The following CCDC7 variants were observed in gnomAD, a reference collection of about 807,000 sequenced individuals.
CCDC7 encodes coiled-coil domain-containing protein 7.
In CCDC7, 183 loss-of-function variants were observed where a neutral mutation model predicts 196.9. The observed-to-expected ratio is 0.93, with a 90% CI of 0.82 to 1.05. The LOEUF (loss-of-function observed/expected upper bound fraction) is 1.05. Ranked by LOEUF, CCDC7 falls within the 50% of genes least tolerant of loss-of-function variation. CCDC7 has a pLI of 0.00. For missense variants in CCDC7, 1,540 were observed against 1,482.2 expected (o/e 1.04, Z -0.64); for synonymous variants, 525 against 484.6 (o/e 1.08, Z -1.10).
chr10:32,634,278 A>G, exon 19 of CCDC7: 1 of 1,216,076 alleles, frequency 8.2e-7, no homozygotes, highest in Non-Finnish European at 1.0e-6. Flanking sequence ...CCAGATGAAA[A>G]TCTTATGGTT....
intron 18 of CCDC7, among the ~76,000 whole-genome samples, chr10:32,602,315 T>C (rs2061134556): frequency 6.6e-6 from 1 of 150,980 alleles, no homozygotes; most frequent in African/African-American, 2.4e-5. Flanking sequence ...GAACAAATTC[T>C]GGACACACCA....
intron 41 of CCDC7, among the ~76,000 whole-genome samples, chr10:32,860,259 A>T (rs552147666): frequency 4.3e-4 from 66 of 152,344 alleles, no homozygotes; most frequent in Middle Eastern, 6.8e-3. Context: ...CTGGTTCAGC[A>T]TACACAAATG....
intron 2 of CCDC7, among the ~76,000 whole-genome samples, chr10:32,455,767 G>A (rs533043015): frequency 2.0e-5 from 3 of 152,286 alleles, no homozygotes; most frequent in South Asian, 2.1e-4. Context: ...GGATTTGATC[G>A]TTATGACATT....
intron 9 of CCDC7, among the ~76,000 whole-genome samples, chr10:32,500,225 G>A (rs1415942338): frequency 6.6e-6 from 1 of 151,062 alleles, no homozygotes; most frequent in Non-Finnish European, 1.5e-5. Flanking sequence ...CCGGCCTGGC[G>A]GGGGCTGCCC....
rs577479508 is a variant in CCDC7 at position 32,753,977 on chromosome 10, C to A, written c.2905+24520C>A. Among the ~76,000 whole-genome samples, 7 of 151,956 alleles carry A rather than the reference C, an allele frequency of 4.6e-5. No homozygotes were observed. In the South Asian group the frequency reaches 1.5e-3, roughly 32 times the overall value. On this transcript the variant is annotated intron_variant, in intron 28 of 41. Transcript: ENST00000639629. ...TTAACGTGTTGGAGAAAATCTCTTA[C>A]TAATATCCCAATACCATGTTTCATG...
intron 9 of CCDC7, chr10:32,511,368 G>T: frequency 6.2e-7 from 1 of 1,602,812 alleles, no homozygotes; most frequent in Non-Finnish European, 8.5e-7. Context: ...TTCGGTTTTG[G>T]TTCCCAGAGG....
At chr10:32,684,307 C>T (rs769488107) in intron 21 of CCDC7, among the ~76,000 whole-genome samples, 6 of 152,172 alleles carry the variant, frequency 3.9e-5, no homozygotes, top group Admixed American at 6.5e-5. Flanking sequence ...CTTGGAGCTC[C>T]ACATGGGCCT....
intron 24 of CCDC7, among the ~76,000 whole-genome samples, chr10:32,705,749 A>G (rs2079618548): frequency 6.6e-6 from 1 of 152,142 alleles, no homozygotes; most frequent in South Asian, 2.1e-4. Flanking sequence ...TAAAGGGATC[A>G]ATTCAACAAG....
intron 16 of CCDC7, chr10:32,574,406 C>A: frequency 6.4e-7 from 1 of 1,558,472 alleles, no homozygotes; most frequent in Non-Finnish European, 8.7e-7. Context: ...ATTCATCAAC[C>A]TTCATTTTGG....
At chr10:32,536,995 A>G (rs948132027) in intron 11 of CCDC7, among the ~76,000 whole-genome samples, 2 of 152,176 alleles carry the variant, frequency 1.3e-5, no homozygotes, top group African/African-American at 2.4e-5. Context: ...AATGATTTAT[A>G]TATTCCTTTG....
In CCDC7 at chr10:32,474,029, T is replaced by C. The variant is rs774998825; in HGVS notation, c.796+6T>C. The C allele has an allele frequency of 4.3e-6, 7 of 1,610,262 alleles. No individual in the cohort carries two copies. The highest frequency in any genetic ancestry group is 4.5e-5 in the East Asian group (2 of 44,720). On this transcript the variant is annotated splice_donor_region_variant and intron_variant, in intron 8 of 41. Coordinates refer to ENST00000639629, the Ensembl canonical transcript of CCDC7. ...TGTTTCTGCAACAGAACCACGTAAG[T>C]TTCCACTCATTAAAGCATTATTGTG...
At chr10:32,689,798 G>A (rs138163547) in intron 23 of CCDC7, among the ~76,000 whole-genome samples, 6,313 of 151,848 alleles carry the variant, frequency 0.042, 134 homozygotes, top group Middle Eastern at 0.065. Context: ...GCAGTGGCCC[G>A]ATCTTGGCTC....
intron 32 of CCDC7, among the ~76,000 whole-genome samples, chr10:32,833,060 A>C (rs2092335533): frequency 2.0e-5 from 3 of 152,144 alleles, no homozygotes; most frequent in Admixed American, 2.0e-4. Context: ...CATTATAAAT[A>C]TGTACTTGTT....
intron 18 of CCDC7, among the ~76,000 whole-genome samples, chr10:32,593,010 T>C (rs568548886): frequency 0.051 from 7,796 of 152,170 alleles, 658 homozygotes; most frequent in African/African-American, 0.18. Context: ...AATAAACATA[T>C]GTGTGCATGT....
At chr10:32,465,640 T>C (rs2036619191) in intron 5 of CCDC7, among the ~76,000 whole-genome samples, 1 of 152,184 alleles carries the variant, frequency 6.6e-6, no homozygotes, top group Admixed American at 6.5e-5. Flanking sequence ...TATGCCTTTT[T>C]TCTTTTTACT....
chr10:32,652,854 G>C (rs1207724301), intron 20 of CCDC7, among the ~76,000 whole-genome samples: 1 of 152,072 alleles, frequency 6.6e-6, no homozygotes, highest in Non-Finnish European at 1.5e-5. Flanking sequence ...TACAGTATTA[G>C]AGTATTCTGA....
chr10:32,611,579 T>A (rs1324482081), intron 18 of CCDC7, among the ~76,000 whole-genome samples: 1 of 152,140 alleles, frequency 6.6e-6, no homozygotes, highest in Non-Finnish European at 1.5e-5. Flanking sequence ...CTTTAATCCA[T>A]CTTGAGTTAA....
intron 22 of CCDC7, among the ~76,000 whole-genome samples, chr10:32,686,524 G>T (rs866727941): frequency 2.0e-5 from 3 of 152,342 alleles, no homozygotes; most frequent in Admixed American, 6.5e-5. Flanking sequence ...AGGCCTGTTG[G>T]ATGGACTCGA....
chr10:32,453,688 A>G (rs1366718242), intron 2 of CCDC7, among the ~76,000 whole-genome samples: 1 of 152,204 alleles, frequency 6.6e-6, no homozygotes. Flanking sequence ...TTTTAAAGAT[A>G]GAGAATAATC....
Sources: allele counts gnomAD v4.1 joint callset (sites outside exome capture counted in the v4.1 genomes callset), GRCh38; gene constraint gnomAD v4.1.1; transcripts MANE v1.5; gene names NCBI Gene and HGNC (gene_info 2026-07-23, HGNC 2026-07-21).